The following CTIF variants were observed in gnomAD, a reference collection of about 807,000 sequenced individuals.
CTIF encodes the protein CBP80/20-dependent translation initiation factor.
In CTIF, 21 loss-of-function variants were observed where a neutral mutation model predicts 66.0. The ratio of observed to expected loss-of-function variants is 0.32; its 90% CI spans 0.23 to 0.46. The LOEUF (loss-of-function observed/expected upper bound fraction) is 0.46. CTIF is among the 20% of genes least tolerant of loss of function. The probability of loss-of-function intolerance (pLI) is 1.00; values close to 1 mark genes in which losing one functional copy is unlikely to be tolerated. For synonymous variants in CTIF, 345 were observed against 326.4 expected, an observed-to-expected ratio of 1.06 and a Z score of -0.62; for missense variants, 739 against 812.7, an observed-to-expected ratio of 0.91 and a Z score of 1.10.
chr18:48,808,168 T>TTA (rs1355140506), intron 9 of CTIF, among the ~76,000 whole-genome samples: 9 of 152,152 alleles, frequency 5.9e-5, no homozygotes, highest in Non-Finnish European at 1.2e-4. Context: ...TAAGTTGTCC[T>TTA]TATATATATA....
intron 11 of CTIF, among the ~76,000 whole-genome samples, chr18:48,858,811 G>A (rs1416267223): frequency 2.0e-5 from 3 of 152,178 alleles, no homozygotes; most frequent in East Asian, 1.9e-4. Context: ...GGTCACTTCT[G>A]GGGGCTGGGA....
chr18:48,663,740 C>A lies in CTIF; in HGVS notation c.253-12C>A, dbSNP rs754652767. On this transcript the variant is annotated splice_polypyrimidine_tract_variant and intron_variant, in intron 3 of 11. Coordinates refer to ENST00000256413, the MANE Select transcript of CTIF (RefSeq NM_014772.3). Reference sequence around the variant, plus strand: ...CAATTAATGTCAGCCCTTTCACCCCCATCTCTTCCAGAATGGCAGCAAAGA... The same window carrying A: ...CAATTAATGTCAGCCCTTTCACCCCAATCTCTTCCAGAATGGCAGCAAAGA... The A allele has an allele frequency of 6.8e-6, 11 of 1,613,526 alleles. No homozygotes were observed. The Admixed American group carries it at 1.0e-4, about 15-fold the overall frequency.
chr18:48,629,322 A>G (rs1341265838), intron 2 of CTIF, among the ~76,000 whole-genome samples: 2 of 152,256 alleles, frequency 1.3e-5, no homozygotes, highest in Non-Finnish European at 2.9e-5. Flanking sequence ...ATAATTTCAA[A>G]TATACATAGA....
At chr18:48,717,614 T>A (rs546482102) in intron 7 of CTIF, among the ~76,000 whole-genome samples, 2 of 152,022 alleles carry the variant, frequency 1.3e-5, no homozygotes, top group Non-Finnish European at 2.9e-5. Flanking sequence ...CACTCAATTA[T>A]ATACTTTAAA....
rs1050440211 is a variant in CTIF, at chr18:48,559,556, T to C, written c.-29+20244T>C. Among the ~76,000 whole-genome samples, 4 of 152,330 alleles carry C rather than the reference T, an allele frequency of 2.6e-5. No individual in the cohort carries two copies. The East Asian group carries it at 7.7e-4, about 29-fold the overall frequency. The stretch of plus-strand genomic sequence containing the variant: ...TTTGTCCTGCTCATGAGTCTGTAAT[T>C]TGGGCAGGGCTCAAGAGCTACAGTT... On this transcript the variant is annotated intron_variant, in intron 1 of 11. Transcript: ENST00000256413.
At chr18:48,706,769 A>C (rs2092160612) in intron 6 of CTIF, among the ~76,000 whole-genome samples, 1 of 152,192 alleles carries the variant, frequency 6.6e-6, no homozygotes, top group Non-Finnish European at 1.5e-5. Context: ...ACCTCAGGAC[A>C]GGAGTGTATG....
Position 48,711,600 on chromosome 18 carries a change from TC to T in CTIF, c.508-17del. 1 of 1,608,556 alleles carries T rather than the reference TC, an allele frequency of 6.2e-7. No individual in the cohort carries two copies. Among genetic ancestry groups the T allele is most frequent in the Non-Finnish European group, 8.5e-7 (1 of 1,175,306 alleles). The stretch of plus-strand genomic sequence containing the variant: ...TTCAGGAGTTACTAATGATCCCCCT[TC>T]CTCCCCCCATGACACAGGGCTACCA... On this transcript the variant is annotated intron_variant, in intron 6 of 11. Coordinates refer to ENST00000256413, the MANE Select transcript of CTIF (RefSeq NM_014772.3).
At chr18:48,641,879 G>A (rs564814098) in intron 3 of CTIF, among the ~76,000 whole-genome samples, 4 of 152,236 alleles carry the variant, frequency 2.6e-5, no homozygotes, top group Admixed American at 2.0e-4. Context: ...CATTGACTCC[G>A]ACCCAGGGGA....
intron 9 of CTIF, among the ~76,000 whole-genome samples, chr18:48,765,911 C>CTT (rs5824766): frequency 4.7e-4 from 67 of 143,832 alleles, no homozygotes; most frequent in Non-Finnish European, 7.7e-4. Context: ...ACAGACATTT[C>CTT]TTTTTTTTTT....
chr18:48,818,585 G>T (rs756279714), intron 10 of CTIF, among the ~76,000 whole-genome samples: 3 of 152,004 alleles, frequency 2.0e-5, no homozygotes, highest in Non-Finnish European at 4.4e-5. Context: ...GTTCTGGGAA[G>T]TATCGATATG....
chr18:48,683,798 C>T (rs1402897123), intron 6 of CTIF, among the ~76,000 whole-genome samples: 4 of 152,158 alleles, frequency 2.6e-5, no homozygotes, highest in African/African-American at 7.2e-5. Context: ...CCAGCCTGGC[C>T]GGGATCCAGG....
intron 6 of CTIF, among the ~76,000 whole-genome samples, chr18:48,681,210 G>A (rs867683305): frequency 2.6e-5 from 4 of 152,220 alleles, no homozygotes; most frequent in Non-Finnish European, 4.4e-5. Context: ...ACAATCCCAG[G>A]CCCCTCTGTT....
At chr18:48,696,501 A>G (rs185953740) in intron 6 of CTIF, among the ~76,000 whole-genome samples, 7 of 152,042 alleles carry the variant, frequency 4.6e-5, no homozygotes, top group Non-Finnish European at 8.8e-5. Context: ...TGCTCTCTTT[A>G]TGGGTACCGA....
intron 2 of CTIF, among the ~76,000 whole-genome samples, chr18:48,632,731 G>A (rs2090741950): frequency 6.6e-6 from 1 of 152,140 alleles, no homozygotes; most frequent in African/African-American, 2.4e-5. Context: ...TGGGTTGCCT[G>A]CTTTTCCTCC....
At chr18:48,835,048 C>T (rs1460659289) in intron 10 of CTIF, among the ~76,000 whole-genome samples, 2 of 152,236 alleles carry the variant, frequency 1.3e-5, no homozygotes, top group African/African-American at 2.4e-5. Context: ...GTCAGACTTG[C>T]GTGATTTCAA....
chr18:48,558,436 G>A, intron 1 of CTIF, among the ~76,000 whole-genome samples: 1 of 152,184 alleles, frequency 6.6e-6, no homozygotes, highest in East Asian at 1.9e-4. Context: ...AGTTTGGGTT[G>A]GGTTTGTGTC....
chr18:48,793,360 G>A (rs1017989067), intron 9 of CTIF, among the ~76,000 whole-genome samples: 8 of 152,178 alleles, frequency 5.3e-5, no homozygotes, highest in Admixed American at 1.3e-4. Context: ...TTAAATTTCA[G>A]CTTTGGGAAA....
At chr18:48,603,518 G>T (rs1208801429) in intron 1 of CTIF, among the ~76,000 whole-genome samples, 1 of 150,418 alleles carries the variant, frequency 6.6e-6, no homozygotes, top group Non-Finnish European at 1.5e-5. Flanking sequence ...TGGATGGATG[G>T]ATGGATGGAT....
intron 1 of CTIF, among the ~76,000 whole-genome samples, chr18:48,551,824 G>C (rs1168301086): frequency 2.6e-5 from 4 of 151,652 alleles, no homozygotes; most frequent in Non-Finnish European, 5.9e-5. Context: ...TGGAGACGGA[G>C]TCTTACTCTG....
Sources: allele counts gnomAD v4.1 joint callset (sites outside exome capture counted in the v4.1 genomes callset), GRCh38; gene constraint gnomAD v4.1.1; transcripts MANE v1.5; gene names NCBI Gene and HGNC (gene_info 2026-07-23, HGNC 2026-07-21).